Variants in RPS24 observed in about 807,000 individuals in gnomAD.
The protein encoded by RPS24 is small ribosomal subunit protein eS24.
For synonymous variants in RPS24, 72 were observed against 55.6 expected (o/e 1.30, Z -1.31); for missense variants, 100 against 162.5 (o/e 0.62, Z 2.09).
chr10:78,054,192 G>T (rs899251082), intron 4 of RPS24, among the ~76,000 whole-genome samples: 1 of 152,082 alleles, frequency 6.6e-6, no homozygotes, highest in Admixed American at 6.6e-5. Context: ...GGAAGGAGCC[G>T]CTGGCACTGG....
intron 1 of RPS24, among the ~76,000 whole-genome samples, 181 bp from the exon 2 acceptor site, chr10:78,035,171 T>C (rs571398436): frequency 6.6e-6 from 1 of 152,194 alleles, no homozygotes; most frequent in Non-Finnish European, 1.5e-5. Context: ...TTTCCTGGTA[T>C]TTTATGTATT....
At chr10:78,044,764 A>G (rs1848024931), downstream of RPS24, among the ~76,000 whole-genome samples, 1 of 149,590 alleles carries the variant, frequency 6.7e-6, no homozygotes. Context: ...AGAATAAATC[A>G]GGGAGGATCT....
At chr10:78,044,697 T>A (rs527989220), downstream of RPS24, among the ~76,000 whole-genome samples, 10 of 150,244 alleles carry the variant, frequency 6.7e-5, no homozygotes, top group South Asian at 2.1e-3. Flanking sequence ...GCCCACAGTC[T>A]GGATGAGAGG....
intron 4 of RPS24, chr10:78,054,484 C>T (rs1326458355): frequency 6.8e-7 from 1 of 1,479,872 alleles, no homozygotes; most frequent in East Asian, 2.5e-5. Flanking sequence ...GGCTGGAAGG[C>T]ACCTGGACAA....
intron 4 of RPS24, among the ~76,000 whole-genome samples, chr10:78,049,510 C>T (rs1848078652): frequency 6.6e-6 from 1 of 152,202 alleles, no homozygotes; most frequent in Non-Finnish European, 1.5e-5. Context: ...CAGGAGCCTT[C>T]AGGGTTGGTG....
intron 4 of RPS24, among the ~76,000 whole-genome samples, chr10:78,046,787 G>T (rs1440063653): frequency 1.3e-5 from 2 of 152,202 alleles, no homozygotes; most frequent in African/African-American, 4.8e-5. Context: ...GGGGGCATTT[G>T]TGGAACATCT....
chr10:78,040,343 GAA>G, intron 5 of RPS24, 118 bp downstream of exon 5: 1 of 924,820 alleles, frequency 1.1e-6, no homozygotes, highest in Non-Finnish European at 1.7e-6. Context: ...CAAATATTCT[GAA>G]GAGTTGTAAC....
downstream of RPS24, among the ~76,000 whole-genome samples, chr10:78,045,098 C>G (rs956553130): frequency 2.0e-5 from 3 of 151,996 alleles, no homozygotes; most frequent in Non-Finnish European, 4.4e-5. Context: ...AAGCAATTCT[C>G]TGCCTCAGCT....
rs770993092 is a variant in RPS24, at chr10:78,033,899, A to T, written c.-3A>T. ...CTTGGCTGTCTGAAGATAGATCGCC[A>T]TCATGGTGAGTCTCCCTGGGCCCGT... On this transcript the variant is annotated 5_prime_UTR_variant, in exon 1 of 6. Transcript: ENST00000372360. 122 of 1,613,994 alleles carry T rather than the reference A, an allele frequency of 7.6e-5. No individual in the cohort carries two copies. The highest frequency in any genetic ancestry group is 1.3e-4 in the Admixed American group (8 of 60,014).
downstream of RPS24, among the ~76,000 whole-genome samples, chr10:78,045,284 GC>G (rs1448461065): frequency 6.6e-6 from 1 of 152,102 alleles, no homozygotes; most frequent in Non-Finnish European, 1.5e-5. Flanking sequence ...ACCGCGCCTG[GC>G]CCCAAGTATT....
At chr10:78,039,193 C>T (rs1186529445) in intron 4 of RPS24, 2 of 152,224 alleles carry the variant, frequency 1.3e-5, no homozygotes, top group Admixed American at 1.3e-4. Context: ...CTAAGAACTA[C>T]TCCCTGTTTG....
At chr10:78,038,580 A>G (rs1370016411) in intron 4 of RPS24, 1 of 147,500 alleles carries the variant, frequency 6.8e-6, no homozygotes, top group Non-Finnish European at 1.5e-5. Context: ...TGAGGTAATT[A>G]TGTATTCATA....
rs1184009872 is a variant in RPS24, at chr10:78,053,738, C to T, written c.391-793C>T. Among the ~76,000 whole-genome samples, 4 of 152,086 alleles carry T rather than the reference C, an allele frequency of 2.6e-5. No individual in the cohort carries two copies. The East Asian group carries it at 5.8e-4, about 22-fold the overall frequency. On this transcript the variant is annotated intron_variant, in intron 4 of 4. Transcript: ENST00000440692. ...CCCCTCTCATAAAAAGCAGGTTGCT[C>T]ACCGGATGAAGGGGTGTCTCCCAGC...
rs1314634523 is a variant in RPS24, at chr10:78,037,280, G to A, written c.366G>A (p.Lys122=). Residue 122 remains lysine, a synonymous_variant, in exon 4 of 6, where the codon AAG becomes AAA. Transcript: ENST00000372360. ...TGAAGAAAGTCAGGGGGACTGCAAA[G>A]GCCAATGTTGGTGCTGGCAAAAAGG... ...NRMKKVRGTA[K]ANVGAGKK 1 of 1,604,858 alleles carries A rather than the reference G, an allele frequency of 6.2e-7. No homozygotes were observed. The highest frequency in any genetic ancestry group is 8.5e-7 in the Non-Finnish European group (1 of 1,175,496).
intron 4 of RPS24, among the ~76,000 whole-genome samples, chr10:78,051,961 TA>T (rs1848102496): frequency 1.3e-5 from 2 of 152,214 alleles, no homozygotes; most frequent in Non-Finnish European, 2.9e-5. Context: ...GCAAATCTCT[TA>T]TCAGATATAT....
chr10:78,046,988 T>G (rs537698544), intron 4 of RPS24, among the ~76,000 whole-genome samples: 1 of 152,136 alleles, frequency 6.6e-6, no homozygotes, highest in Admixed American at 6.5e-5. Context: ...AACCTGTTTT[T>G]TTTTTTGAGT....
intron 5 of RPS24, 184 bp from the exon 6 acceptor site, chr10:78,040,431 C>G (rs1358370081): frequency 1.4e-6 from 1 of 716,018 alleles, no homozygotes; most frequent in Non-Finnish European, 2.4e-6. Flanking sequence ...TTGTTTTATT[C>G]TTAACTTGAA....
Position 78,037,282 on chromosome 10 carries a change from C to T in RPS24, c.368C>T (p.Ala123Val). 6.2e-7 allele frequency: 1 copy of T among 1,604,766 alleles called. No individual in the cohort carries two copies. The highest frequency in any genetic ancestry group is 8.5e-7 in the Non-Finnish European group (1 of 1,175,444). The change falls in exon 4 of 6, where the codon GCC becomes GTC. Residue 123 changes from alanine (A) to valine (V), a missense_variant. By Grantham distance (64) the Ala-to-Val change is moderately conservative. Transcript: ENST00000372360. ...AAGAAAGTCAGGGGGACTGCAAAGG[C>T]CAATGTTGGTGCTGGCAAAAAGGTA... is the stretch of plus-strand genomic sequence containing the variant. The part of the protein sequence containing the change: ...RMKKVRGTAK[A>V]NVGAGKK
At chr10:78,037,938 T>C (rs1428030819) in intron 4 of RPS24, 1 of 657,790 alleles carries the variant, frequency 1.5e-6, no homozygotes, top group Non-Finnish European at 2.4e-6. Context: ...TTTTCCTCTC[T>C]ACTTTCTTGG....
Sources: allele counts gnomAD v4.1 joint callset (sites outside exome capture counted in the v4.1 genomes callset), GRCh38; gene constraint gnomAD v4.1.1; transcripts MANE v1.5; gene names NCBI Gene and HGNC (gene_info 2026-07-23, HGNC 2026-07-21).